The following P3H2 variants were observed in gnomAD, a reference collection of about 807,000 sequenced individuals.
P3H2 encodes prolyl 3-hydroxylase 2.
Under a neutral mutation model 87.0 loss-of-function variants are expected in P3H2, and 80 were observed. The observed-to-expected ratio is 0.92, with a 90% CI of 0.77 to 1.11. The LOEUF (loss-of-function observed/expected upper bound fraction) is 1.11. Among genes scored for constraint, P3H2 ranks in the 50% least tolerant of loss-of-function variants. The pLI, the probability that P3H2 is intolerant of heterozygous loss-of-function variation, is 0.00. For missense variants in P3H2, 1,001 were observed against 923.9 expected (o/e 1.08, Z -1.08); for synonymous variants, 367 against 359.3 (o/e 1.02, Z -0.24).
chr3:190,066,911 A>T (rs1334007905), intron 1 of P3H2, among the ~76,000 whole-genome samples: 1 of 152,076 alleles, frequency 6.6e-6, no homozygotes, highest in African/African-American at 2.4e-5. Context: ...ACCCAGCTCA[A>T]ATGCCACTTC....
In P3H2 at chr3:190,120,780, G is replaced by GGCACCT; in HGVS notation, c.-55_-50dup. The GGCACCT allele has an allele frequency of 6.7e-7, 1 of 1,502,934 alleles. No homozygotes were observed. The highest frequency in any genetic ancestry group is 8.8e-7 in the Non-Finnish European group (1 of 1,131,728). The allele number at this position is 1,502,934 out of a possible 1,614,324, so 93.1% of individuals were successfully genotyped here. A position where few individuals can be genotyped will look rare whatever the true frequency, so the allele number is the denominator to read the frequency against. On this transcript the variant is annotated 5_prime_UTR_variant, in exon 1 of 15. Transcript: ENST00000319332. ...ACGGTTACGCTCGAGAGGGCTTCGG[G>GGCACCT]GCACCTCGCGTCCGGGTCCCCTCTC...
At chr3:190,069,044 G>C (rs188685388) in intron 1 of P3H2, among the ~76,000 whole-genome samples, 188 of 152,196 alleles carry the variant, frequency 1.2e-3, no homozygotes, top group Non-Finnish European at 2.2e-3. Flanking sequence ...TTCACAGGCG[G>C]CACCTTAGCT....
intron 1 of P3H2, among the ~76,000 whole-genome samples, chr3:190,011,265 C>A (rs1347066067): frequency 1.4e-5 from 2 of 140,022 alleles, no homozygotes; most frequent in African/African-American, 5.2e-5. Context: ...GAGCAAGACT[C>A]CATCTCCAAA....
At chr3:190,053,071 T>A (rs1296093533) in intron 1 of P3H2, among the ~76,000 whole-genome samples, 1 of 152,226 alleles carries the variant, frequency 6.6e-6, no homozygotes, top group African/African-American at 2.4e-5. Context: ...TTGTGGCACA[T>A]ATCAACAGCT....
chr3:189,982,142 C>T (rs1723556292), intron 8 of P3H2, among the ~76,000 whole-genome samples: 1 of 152,150 alleles, frequency 6.6e-6, no homozygotes, highest in Non-Finnish European at 1.5e-5. Context: ...TTCTATGTTT[C>T]ATGCAGCAGG....
intron 1 of P3H2, among the ~76,000 whole-genome samples, chr3:190,032,045 A>T (rs925308473): frequency 6.6e-6 from 1 of 152,190 alleles, no homozygotes; most frequent in Non-Finnish European, 1.5e-5. Context: ...ATTGGACAAG[A>T]TCCCTGTCTT....
At chr3:189,959,698 A>G (rs1722752318) in intron 14 of P3H2, among the ~76,000 whole-genome samples, 1 of 151,874 alleles carries the variant, frequency 6.6e-6, no homozygotes, top group South Asian at 2.1e-4. Flanking sequence ...GCTTTCTTTT[A>G]TTCCTCACAT....
intron 13 of P3H2, among the ~76,000 whole-genome samples, chr3:189,968,812 T>C (rs1282383145): frequency 6.6e-6 from 1 of 152,228 alleles, no homozygotes; most frequent in African/African-American, 2.4e-5. Context: ...TGGTATCTCA[T>C]TGTGGTTTTG....
At chr3:190,107,106 C>G (rs1262207109) in intron 1 of P3H2, among the ~76,000 whole-genome samples, 1 of 152,070 alleles carries the variant, frequency 6.6e-6, no homozygotes. Flanking sequence ...CAAAATGTAT[C>G]AAGAAGATAA....
chr3:189,964,117 A>C lies in P3H2; in HGVS notation c.1894-19T>G. 6.2e-7 allele frequency: 1 copy of C among 1,611,404 alleles called. No homozygotes were observed. The highest frequency in any genetic ancestry group is 8.5e-7 in the Non-Finnish European group (1 of 1,177,572). On this transcript the variant is annotated intron_variant, in intron 13 of 14. Transcript: ENST00000319332. ...TAGAGGCCTGAGAAAGAAAGCAAAA[A>C]TTAGACTTTCAATTGTTGTATCATA...
intron 10 of P3H2, among the ~76,000 whole-genome samples, chr3:189,973,499 C>CTTTTTTTTTTTTTT (rs750495361): frequency 2.4e-5 from 1 of 41,450 alleles, no homozygotes; most frequent in African/African-American, 6.6e-5. Flanking sequence ...TTTTTTCTTT[C>CTTTTTTTTTTTTTT]TTTCTTTCTT....
chr3:190,096,847 A>G (rs1218408505), intron 1 of P3H2, among the ~76,000 whole-genome samples: 7 of 152,244 alleles, frequency 4.6e-5, no homozygotes, highest in African/African-American at 1.7e-4. Context: ...AGATAAAGAC[A>G]GCATCATGAA....
At chr3:190,041,283 A>G (rs1016597558) in intron 1 of P3H2, among the ~76,000 whole-genome samples, 2 of 147,618 alleles carry the variant, frequency 1.4e-5, no homozygotes, top group African/African-American at 4.9e-5. Context: ...TTAAAAAAAA[A>G]AAAAAAAAAA....
intron 1 of P3H2, among the ~76,000 whole-genome samples, chr3:190,117,094 T>A (rs536516224): frequency 1.3e-5 from 2 of 152,252 alleles, no homozygotes. Flanking sequence ...GAATCAGTTA[T>A]TGGAAGAATC....
chr3:190,066,206 A>G (rs1162350702), intron 1 of P3H2, among the ~76,000 whole-genome samples: 2 of 149,828 alleles, frequency 1.3e-5, no homozygotes, highest in Middle Eastern at 3.2e-3. Context: ...TATATGATGG[A>G]ATATGGATAT....
rs570952814 is a variant in P3H2 at position 190,075,124 on chromosome 3, G to A, written c.480+45128C>T. On this transcript the variant is annotated intron_variant, in intron 1 of 14. Transcript: ENST00000319332. Reference sequence around the variant, plus strand: ...AAACTGACAGAGATCCTGTTCTCAAGGAGTTCATAGTCTAGTAGTGAAGAA... The same window carrying A: ...AAACTGACAGAGATCCTGTTCTCAAAGAGTTCATAGTCTAGTAGTGAAGAA... Among the ~76,000 whole-genome samples the A allele has an allele frequency of 5.3e-5, 8 of 152,306 alleles. No individual in the cohort carries two copies. The South Asian group carries it at 1.4e-3, about 28-fold the overall frequency.
intron 1 of P3H2, among the ~76,000 whole-genome samples, chr3:190,010,867 TACTATATCCTCC>T (rs1386781762): frequency 6.6e-6 from 1 of 152,230 alleles, no homozygotes; most frequent in Non-Finnish European, 1.5e-5. Flanking sequence ...CCTTAAGCTC[TACTATATCCTCC>T]CAGCATGATC....
rs34360072 is a variant in P3H2, at chr3:189,972,349, A to G, written c.1700-342T>C. ...GGAAATGAAAATTTTTTAAAAAAAC[A>G]AGATTTAATTCAGCTAAAACTTCCC... On this transcript the variant is annotated intron_variant, in intron 11 of 14. Transcript: ENST00000319332. Among the ~76,000 whole-genome samples the G allele has an allele frequency of 0.32, 48,683 of 152,144 alleles. 8,436 individuals carry two copies. The highest frequency in any genetic ancestry group is 0.51 in the East Asian group (2,609 of 5,154).
chr3:189,985,752 G>A (rs1000929969), intron 6 of P3H2, among the ~76,000 whole-genome samples: 1 of 151,742 alleles, frequency 6.6e-6, no homozygotes, highest in Non-Finnish European at 1.5e-5. Flanking sequence ...TAATTCAATA[G>A]AGAAAAAATG....
Sources: allele counts gnomAD v4.1 joint callset (sites outside exome capture counted in the v4.1 genomes callset), GRCh38; gene constraint gnomAD v4.1.1; transcripts MANE v1.5; gene names NCBI Gene and HGNC (gene_info 2026-07-23, HGNC 2026-07-21).